CWF19L2: variants seen among roughly 807,000 people sequenced by gnomAD.
CWF19L2 encodes the protein CWF19-like protein 2.
Under a neutral mutation model 111.7 loss-of-function variants are expected in CWF19L2, and 98 were observed. That is an observed-to-expected ratio of 0.88 (90% CI 0.75 to 1.04). The LOEUF (loss-of-function observed/expected upper bound fraction) is 1.04. CWF19L2 is among the 50% of genes least tolerant of loss of function. The pLI is 0.00. For synonymous variants in CWF19L2, 351 were observed against 342.9 expected, an observed-to-expected ratio of 1.02 and a Z score of -0.26; for missense variants, 1,101 against 1,051.4, an observed-to-expected ratio of 1.05 and a Z score of -0.65.
chr11:107,363,005 C>T lies in CWF19L2; in HGVS notation c.1873-9269G>A, dbSNP rs559642289. On this transcript the variant is annotated intron_variant, in intron 12 of 17. Coordinates refer to ENST00000282251, the MANE Select transcript of CWF19L2 (RefSeq NM_152434.3). ...GAGCTGATGGAGCTGAAAACCAAGG[C>T]TCGAGAACTACGTGAAGAATGCAGA... Among the ~76,000 whole-genome samples, 471 of 152,140 alleles carry T rather than the reference C, an allele frequency of 3.1e-3. 1 individual carries two copies. Among genetic ancestry groups the T allele is most frequent in the African/African-American group, 0.011 (454 of 41,482 alleles).
chr11:107,427,529 T>C (rs537714820), intron 8 of CWF19L2, among the ~76,000 whole-genome samples: 7 of 152,066 alleles, frequency 4.6e-5, no homozygotes, highest in African/African-American at 1.7e-4. Flanking sequence ...AGACAACCGG[T>C]TGGAATACTA....
intron 14 of CWF19L2, among the ~76,000 whole-genome samples, chr11:107,342,568 T>G (rs1480046266): frequency 6.6e-6 from 1 of 151,702 alleles, no homozygotes; most frequent in Non-Finnish European, 1.5e-5. Context: ...ATTAGTTTTG[T>G]GGCAAGATAG....
intron 2 of CWF19L2, 89 bp from the exon 3 acceptor site, chr11:107,454,661 T>G (rs941682652): frequency 4.3e-6 from 4 of 927,384 alleles, no homozygotes; most frequent in Non-Finnish European, 5.7e-6. Context: ...TAAACCACAT[T>G]CTAAAAAACT....
chr11:107,327,954 C>T (rs1210111747), intron 17 of CWF19L2, among the ~76,000 whole-genome samples: 1 of 152,064 alleles, frequency 6.6e-6, no homozygotes, highest in Non-Finnish European at 1.5e-5. Context: ...TACTTAGGGA[C>T]CTACTATGCA....
At chr11:107,419,033 A>C (rs1861267416) in intron 8 of CWF19L2, among the ~76,000 whole-genome samples, 2 of 152,208 alleles carry the variant, frequency 1.3e-5, no homozygotes. Context: ...CGAAAGCTGC[A>C]CCATAAGAAA....
intron 10 of CWF19L2, among the ~76,000 whole-genome samples, chr11:107,396,099 T>G (rs1004125591): frequency 6.6e-6 from 1 of 152,096 alleles, no homozygotes; most frequent in African/African-American, 2.4e-5. Flanking sequence ...CAAGACAGAG[T>G]GCATCTAACC....
At chr11:107,414,469 T>G (rs887110958) in intron 10 of CWF19L2, among the ~76,000 whole-genome samples, 2 of 152,202 alleles carry the variant, frequency 1.3e-5, no homozygotes, top group Non-Finnish European at 2.9e-5. Context: ...GATTTAAATA[T>G]CACTTACATG....
At chr11:107,349,152 C>A in intron 13 of CWF19L2, 99 bp from the exon 14 acceptor site, 1 of 447,622 alleles carries the variant, frequency 2.2e-6, no homozygotes, top group Non-Finnish European at 3.9e-6. Context: ...CAGATGAGCC[C>A]CTAGTAGAAA....
chr11:107,363,510 C>A (rs977487317), intron 12 of CWF19L2, among the ~76,000 whole-genome samples: 39 of 149,948 alleles, frequency 2.6e-4, no homozygotes, highest in African/African-American at 9.7e-4. Flanking sequence ...AGAGTGGGGG[C>A]CAATATTCAA....
rs1280612833 is a variant in CWF19L2 at position 107,353,833 on chromosome 11, T to G, written c.1873-97A>C. 9.7e-6 allele frequency: 8 copies of G among 826,684 alleles called. No homozygotes were observed. The East Asian group carries it at 2.0e-4, about 21-fold the overall frequency. 51.2% of individuals were successfully genotyped at this position (826,684 alleles called of 1,614,324 possible). A position where few individuals can be genotyped will look rare whatever the true frequency, so the allele number is the denominator to read the frequency against. Reference sequence around the variant, plus strand: ...AAATCTGTATCTGTAAGTTCTATGATAAAACTAATACATTTAAAAGAAAAG... The same window carrying G: ...AAATCTGTATCTGTAAGTTCTATGAGAAAACTAATACATTTAAAAGAAAAG... On this transcript the variant is annotated intron_variant, in intron 12 of 17. Transcript: ENST00000282251.
At chr11:107,437,627 G>A (rs982214456) in intron 6 of CWF19L2, among the ~76,000 whole-genome samples, 1 of 152,164 alleles carries the variant, frequency 6.6e-6, no homozygotes, top group Non-Finnish European at 1.5e-5. Context: ...GTAAAAGCAT[G>A]ACATGAAGGG....
At chr11:107,417,802 G>A (rs371861102) in intron 9 of CWF19L2, among the ~76,000 whole-genome samples, 87 of 151,246 alleles carry the variant, frequency 5.8e-4, no homozygotes, top group African/African-American at 2.0e-3. Context: ...CGTCACCCAG[G>A]CTGGAGTGCT....
intron 10 of CWF19L2, among the ~76,000 whole-genome samples, chr11:107,396,896 C>T (rs920486742): frequency 1.3e-5 from 2 of 152,162 alleles, no homozygotes; most frequent in African/African-American, 2.4e-5. Flanking sequence ...ACATACCCCC[C>T]AACTGGAGAA....
intron 7 of CWF19L2, among the ~76,000 whole-genome samples, chr11:107,430,239 G>C (rs1255472484): frequency 2.7e-5 from 4 of 150,536 alleles, no homozygotes; most frequent in Non-Finnish European, 5.9e-5. Flanking sequence ...ACAAGGACTA[G>C]ATCAGGGAAG....
At chr11:107,342,629 T>C (rs1244643399) in intron 14 of CWF19L2, among the ~76,000 whole-genome samples, 2 of 152,150 alleles carry the variant, frequency 1.3e-5, no homozygotes, top group African/African-American at 2.4e-5. Flanking sequence ...TGGAGTGTTA[T>C]ACAAATATTG....
chr11:107,426,365 T>C (rs1187676722), intron 8 of CWF19L2, among the ~76,000 whole-genome samples: 2 of 151,914 alleles, frequency 1.3e-5, no homozygotes, highest in African/African-American at 4.8e-5. Flanking sequence ...AGGAGAAAAG[T>C]CATTCCAATG....
At chr11:107,401,845 T>C (rs954957209) in intron 10 of CWF19L2, among the ~76,000 whole-genome samples, 9 of 152,116 alleles carry the variant, frequency 5.9e-5, no homozygotes, top group Non-Finnish European at 7.4e-5. Context: ...TATAAGGCCA[T>C]AGTCACCAAA....
At chr11:107,378,908 G>T (rs1860638286) in intron 12 of CWF19L2, among the ~76,000 whole-genome samples, 1 of 152,130 alleles carries the variant, frequency 6.6e-6, no homozygotes, top group South Asian at 2.1e-4. Flanking sequence ...AGTAGATTGG[G>T]CATAGGAAGA....
At chr11:107,410,590 C>G (rs759181786) in intron 10 of CWF19L2, among the ~76,000 whole-genome samples, 1 of 152,116 alleles carries the variant, frequency 6.6e-6, no homozygotes, top group Non-Finnish European at 1.5e-5. Context: ...ACTTCGAATA[C>G]TAATCTACTG....
Sources: gnomAD v4.1 joint callset for allele counts (sites outside exome capture counted in the v4.1 genomes callset) on GRCh38, gnomAD v4.1.1 for gene constraint, MANE v1.5 for transcripts, NCBI Gene and HGNC (gene_info 2026-07-23, HGNC 2026-07-21) for gene names.